CDH24: variants seen among roughly 807,000 people sequenced by gnomAD.
CDH24 encodes the protein cadherin 24.
A neutral mutation model predicts 71.2 loss-of-function variants in CDH24; 61 were observed. The ratio of observed to expected loss-of-function variants is 0.86; its 90% confidence interval spans 0.70 to 1.06. The LOEUF is 1.06. Among genes scored for constraint, CDH24 ranks in the 50% least tolerant of loss-of-function variants. The pLI is 0.00. For missense variants in CDH24, 961 were observed against 1,083.7 expected, an observed-to-expected ratio of 0.89 and a Z score of 1.59; for synonymous variants, 440 against 470.2, an observed-to-expected ratio of 0.94 and a Z score of 0.83.
chr14:23,053,350 C>T lies in CDH24; in HGVS notation c.1226+146G>A, dbSNP rs368899126. Reference sequence around the variant, plus strand: ...TCCGGCTCTCCCCTGGCACCCAGGCCTGCAGACCAGCAAGCCCAGCTGCAG... The same window carrying T: ...TCCGGCTCTCCCCTGGCACCCAGGCTTGCAGACCAGCAAGCCCAGCTGCAG... On this transcript the variant is annotated intron_variant, in intron 7 of 12. Transcript: ENST00000487137. The T allele has an allele frequency of 9.5e-4, 958 of 1,006,398 alleles. 21 individuals are homozygous for T. In the South Asian group the frequency reaches 0.016, roughly 16 times the overall value. 62.3% of individuals were successfully genotyped at this position (1,006,398 alleles called of 1,614,324 possible).
rs2047059308 is a variant in CDH24, at chr14:23,048,404, C to T, written c.1922G>A (p.Arg641Gln). The T allele has an allele frequency of 1.2e-6, 2 of 1,612,462 alleles. No homozygotes were observed. Among genetic ancestry groups the T allele is most frequent in the Non-Finnish European group, 1.7e-6 (2 of 1,179,622 alleles). The change falls in exon 12 of 13, where the codon CGA becomes CAA. Residue 641 changes from arginine to glutamine, a missense_variant. Around this residue, in one of 2 missense-constraint regions of CDH24, gnomAD observed 290 missense variants for 272.8 expected, o/e 1.06. Coordinates refer to ENST00000487137, the MANE Select transcript of CDH24 (RefSeq NM_144985.4). ...GTCGTCGTAGGTGATGATGTTCTCTCGGACGTCCTCCTCCTCCAGTACCAT... is the reference window on the plus strand; with the variant it reads ...GTCGTCGTAGGTGATGATGTTCTCTTGGACGTCCTCCTCCTCCAGTACCAT... Reference protein sequence around the residue: ...ALMVLEEEDVRENIITYDDEG... With the variant: ...ALMVLEEEDVQENIITYDDEG...
intron 11 of CDH24, 34 bp downstream of exon 11, chr14:23,048,993 T>C (rs1293600588): frequency 1.9e-6 from 3 of 1,592,184 alleles, no homozygotes; most frequent in Admixed American, 1.7e-5. Context: ...CAGGCCCAGA[T>C]CGCACAGCTA....
chr14:23,055,611 C>G lies in CDH24; in HGVS notation c.123G>C (p.Arg41=). 1 of 1,613,870 alleles carries G rather than the reference C, an allele frequency of 6.2e-7. No individual in the cohort carries two copies. The highest frequency in any genetic ancestry group is 1.1e-5 in the South Asian group (1 of 91,064). ...GGTTCCAGACCCAGCTCCTTCGAGT[C>G]CGCAGCAGAGCAGGCCCTGGGTGTT... ...SREHPGPALL[R]TRRSWVWNQF... Residue 41 remains arginine, a synonymous_variant, in exon 2 of 13, where the codon CGG becomes CGC. Coordinates refer to ENST00000487137, the MANE Select transcript of CDH24 (RefSeq NM_144985.4). This position sits in a 1 kb window ranked among gnomAD's most constrained non-coding sequence, Gnocchi z 4.1.
At position 23,049,858 on chromosome 14, in the gene CDH24, G is replaced by A. The variant is rs751185577; in HGVS notation, c.1449C>T (p.Tyr483=). 28 of 1,613,932 alleles carry A rather than the reference G, an allele frequency of 1.7e-5. No homozygotes were observed. The highest frequency in any genetic ancestry group is 1.6e-4 in the Middle Eastern group (1 of 6,084). ...CTGCAGAGTCACACACAAAAGTATCGTAGGGCTCAGCCAGCTGGGGAGCAT... is the reference window on the plus strand; with the variant it reads ...CTGCAGAGTCACACACAAAAGTATCATAGGGCTCAGCCAGCTGGGGAGCAT... ...NDNAPQLAEP[Y]DTFVCDSAAP... is the part of the protein sequence containing the mutation. Residue 483 remains tyrosine (Y), a synonymous_variant, in exon 9 of 13, where the codon TAC becomes TAT. Transcript: ENST00000487137.
Position 23,047,710 on chromosome 14 carries a change from GCAGGGC to G in CDH24, c.*264_*269del, listed in dbSNP as rs562826299. On this transcript the variant is annotated 3_prime_UTR_variant, in exon 12 of 13. Transcript: ENST00000487137. Reference sequence around the variant, plus strand: ...AGGAGAGGAATCACAGTGAGAGATCGCAGGGCCAGGGCCAGGGCAGGAAACCCAGGC... The same window carrying G: ...AGGAGAGGAATCACAGTGAGAGATCGCAGGGCCAGGGCAGGAAACCCAGGC... 3.6e-3 allele frequency: 1,111 copies of G among 311,936 alleles called. 13 individuals are homozygous for G. Among genetic ancestry groups the G allele is most frequent in the African/African-American group, 0.022 (1,028 of 45,918 alleles). The allele number at this position is 311,936 out of a possible 1,614,324, so 19.3% of individuals were successfully genotyped here.
chr14:23,056,822 TCTC>T (rs1036541040), intron 1 of CDH24, among the ~76,000 whole-genome samples: 1 of 150,308 alleles, frequency 6.7e-6, no homozygotes, highest in African/African-American at 2.4e-5. Context: ...TTCCCACTGC[TCTC>T]CTTTCTCCTA....
Position 23,052,541 on chromosome 14 carries a change from T to TCCA in CDH24, c.1294_1295insTGG (p.His432delinsLeuAsp). 6.2e-7 allele frequency: 1 copy of TCCA among 1,614,076 alleles called. No homozygotes were observed. The highest frequency in any genetic ancestry group is 8.5e-7 in the Non-Finnish European group (1 of 1,180,008). ...CTCGCGATCCAGGGGTGCTGCTGTATGGATGGTGCCTTCCTCGGGCTGGAT... is the reference window on the plus strand; with the variant it reads ...CTCGCGATCCAGGGGTGCTGCTGTATCCAGGATGGTGCCTTCCTCGGGCTGGAT... On this transcript the variant is annotated protein_altering_variant, in exon 8 of 13. Transcript: ENST00000487137.
At position 23,055,333 on chromosome 14, in the gene CDH24, C is replaced by CAGTTGCACT. The variant is rs1391009396; in HGVS notation, c.221_222insAGTGCAACT (p.Arg74_Gly75insValGlnLeu). ...ACAGGTACTTGGTGCGGCCCTCTCC[C>CAGTTGCACT]CGGTCAACATCCGAGTGCAGCTGCA... On this transcript the variant is annotated inframe_insertion, in exon 3 of 13. Coordinates refer to ENST00000487137, the MANE Select transcript of CDH24 (RefSeq NM_144985.4). The surrounding 1 kb of genome is among the most constrained non-coding windows in gnomAD (Gnocchi z 4.1). 1 of 1,607,356 alleles carries CAGTTGCACT rather than the reference C, an allele frequency of 6.2e-7. No homozygotes were observed. The highest frequency in any genetic ancestry group is 8.5e-7 in the Non-Finnish European group (1 of 1,174,378).
At position 23,051,874 on chromosome 14, in the gene CDH24, C is replaced by T; in HGVS notation, c.1363+599G>A. 1 of 673,696 alleles carries T rather than the reference C, an allele frequency of 1.5e-6. No individual in the cohort carries two copies. Among genetic ancestry groups the T allele is most frequent in the Non-Finnish European group, 2.5e-6 (1 of 396,618 alleles). The allele number at this position is 673,696 out of a possible 1,614,324, so 41.7% of individuals were successfully genotyped here. On this transcript the variant is annotated intron_variant, in intron 8 of 12. Coordinates refer to ENST00000487137, the MANE Select transcript of CDH24 (RefSeq NM_144985.4). This position sits in a 1 kb window ranked among gnomAD's most constrained non-coding sequence, Gnocchi z 4.4. ...CCCTGTCTGTATGGGCTAGGGCTGC[C>T]CAGAGGCAGCTGAACCCGCTGCTGG...
chr14:23,049,143 C>A lies in CDH24; in HGVS notation c.1730G>T (p.Cys577Phe). ...CACAGAGCCGTCAGGCTGGCAGCGG[C>A]ACACACTAACAGTCACTGTGGCAGT... ...SSTATVTVSV[C>F]RCQPDGSVAS... Residue 577 changes from cysteine (C) to phenylalanine (F), a missense_variant, in exon 11 of 13, where the codon TGC becomes TTC. Cys to Phe is a radical substitution (Grantham distance 205). Around this residue, in one of 2 missense-constraint regions of CDH24, gnomAD observed 671 missense variants for 810.9 expected, o/e 0.83. Coordinates refer to ENST00000487137, the MANE Select transcript of CDH24 (RefSeq NM_144985.4). 1 of 1,597,770 alleles carries A rather than the reference C, an allele frequency of 6.3e-7. No homozygotes were observed. The highest frequency in any genetic ancestry group is 2.3e-5 in the East Asian group (1 of 43,922).
In CDH24 at chr14:23,054,936, G is replaced by A. The variant is rs2047115461; in HGVS notation, c.497-70C>T. On this transcript the variant is annotated intron_variant, in intron 3 of 12. Coordinates refer to ENST00000487137, the MANE Select transcript of CDH24 (RefSeq NM_144985.4). This position sits in a 1 kb window ranked among gnomAD's most constrained non-coding sequence, Gnocchi z 5.2. Reference sequence around the variant, plus strand: ...TGGGGAAGAACAACCGATGGGGGGGGATGCAGATACGAGGGAGGCTGAATT... The same window carrying A: ...TGGGGAAGAACAACCGATGGGGGGGAATGCAGATACGAGGGAGGCTGAATT... The A allele has an allele frequency of 1.9e-6, 3 of 1,603,086 alleles. No individual in the cohort carries two copies. In the East Asian group the frequency reaches 6.7e-5, roughly 36 times the overall value.
At position 23,055,857 on chromosome 14, in the gene CDH24, C is replaced by T. The variant is rs2047125858; in HGVS notation, c.-124G>A. 1 of 772,076 alleles carries T rather than the reference C, an allele frequency of 1.3e-6. No individual in the cohort carries two copies. Among genetic ancestry groups the T allele is most frequent in the Non-Finnish European group, 2.0e-6 (1 of 492,542 alleles). The allele number at this position is 772,076 out of a possible 1,614,324, so 47.8% of individuals were successfully genotyped here. On this transcript the variant is annotated splice_region_variant and 5_prime_UTR_variant, in exon 2 of 13. It adds an upstream start codon to the 5' untranslated region. Coordinates refer to ENST00000487137, the MANE Select transcript of CDH24 (RefSeq NM_144985.4). This position sits in a 1 kb window ranked among gnomAD's most constrained non-coding sequence, Gnocchi z 4.1. The stretch of plus-strand genomic sequence containing the variant: ...GTTGAGGCTACCCCATGGATCCACA[C>T]CTGCAGGACAAGCAGCTGCTCAGGC...
At position 23,048,109 on chromosome 14, in the gene CDH24, G is replaced by A. The variant is rs1296021036; in HGVS notation, c.2217C>T (p.Ser739=). The A allele has an allele frequency of 5.7e-6, 8 of 1,408,884 alleles. No individual in the cohort carries two copies. The highest frequency in any genetic ancestry group is 7.4e-6 in the Non-Finnish European group (8 of 1,087,344). 87.3% of individuals were successfully genotyped at this position (1,408,884 alleles called of 1,614,324 possible). A position where few individuals can be genotyped will look rare whatever the true frequency, so the allele number is the denominator to read the frequency against. ...CGCTGCCGGAGCCCAGGGAGCTGAGGGAGCCGCAAGAGGAGCCGCGGCCCT... is the reference window on the plus strand; with the variant it reads ...CGCTGCCGGAGCCCAGGGAGCTGAGAGAGCCGCAAGAGGAGCCGCGGCCCT... ...GYEGRGSSCG[S]LSSLGSGSEA... The change falls in exon 12 of 13, where the codon TCC becomes TCT. Residue 739 remains serine, a synonymous_variant. Coordinates refer to ENST00000487137, the MANE Select transcript of CDH24 (RefSeq NM_144985.4).
In CDH24 at chr14:23,055,374, T is replaced by C; in HGVS notation, c.202-21A>G. On this transcript the variant is annotated intron_variant, in intron 2 of 12. Transcript: ENST00000487137. This position sits in a 1 kb window ranked among gnomAD's most constrained non-coding sequence, Gnocchi z 4.1. ...TGCAGCTGCAGGGGTCACGAAAAGA[T>C]GGCAGAGGGCTCCAAGTACAGAGAC... 2 of 1,599,720 alleles carry C rather than the reference T, an allele frequency of 1.3e-6. No homozygotes were observed. Among genetic ancestry groups the C allele is most frequent in the African/African-American group, 1.3e-5 (1 of 74,674 alleles).
chr14:23,049,503 C>T, intron 10 of CDH24, 124 bp downstream of exon 10: 1 of 708,142 alleles, frequency 1.4e-6, no homozygotes. Context: ...AAGTCCACAC[C>T]CATCTTCTGT....
chr14:23,049,219 A>G lies in CDH24; in HGVS notation c.1654T>C (p.Tyr552His). 4 of 1,575,038 alleles carry G rather than the reference A, an allele frequency of 2.5e-6. No individual in the cohort carries two copies. Among genetic ancestry groups the G allele is most frequent in the Non-Finnish European group, 3.4e-6 (4 of 1,159,522 alleles). Residue 552 changes from tyrosine to histidine, a missense_variant, in exon 11 of 13, where the codon TAC becomes CAC. Physicochemically the swap from Tyr to His is moderately conservative, Grantham distance 83. This residue lies in a region of CDH24 where 671 missense variants were observed against 810.9 expected (regional missense o/e 0.83). Transcript: ENST00000487137. ...TCCCACAGTTCTATGGGAACCAAGT[A>G]GGGGGCATGGCGGGGTGGAGCAGGG... ...SRPAPPRHAP[Y>H]LVPIELWDWG...
In CDH24 at chr14:23,054,840, G is replaced by T; in HGVS notation, c.523C>A (p.His175Asn). The change falls in exon 4 of 13, where the codon CAC becomes AAC. Residue 175 changes from histidine (H) to asparagine (N), a missense_variant. This residue lies in a region of CDH24 where 671 missense variants were observed against 810.9 expected (regional missense o/e 0.83). Transcript: ENST00000487137. This position sits in a 1 kb window ranked among gnomAD's most constrained non-coding sequence, Gnocchi z 5.2. ...CCATAGCTGGGGTCATCAGCATCGT[G>T]AGCAGTCACCTGGATCACTGATGTC... Reference protein sequence around the residue: ...VGTSVIQVTAHDADDPSYGNS... With the variant: ...VGTSVIQVTANDADDPSYGNS... 1 of 1,613,574 alleles carries T rather than the reference G, an allele frequency of 6.2e-7. No homozygotes were observed.
rs1745061929 is a variant in CDH24, at chr14:23,051,393, TGTG to T, written c.1363+1077_1363+1079del. 6.6e-6 allele frequency among the ~76,000 whole-genome samples: 1 copy of T among 152,196 alleles called. No homozygotes were observed. Among genetic ancestry groups the T allele is most frequent in the Admixed American group, 6.5e-5 (1 of 15,274 alleles). ...AATAATCATACTTCCCTCATAAAGT[TGTG>T]GTGATGATTAAATGAATGAATCCAT... On this transcript the variant is annotated intron_variant, in intron 8 of 12. Coordinates refer to ENST00000487137, the MANE Select transcript of CDH24 (RefSeq NM_144985.4). The surrounding 1 kb of genome is among the most constrained non-coding windows in gnomAD (Gnocchi z 4.4).
At position 23,054,031 on chromosome 14, in the gene CDH24, A is replaced by G; in HGVS notation, c.972+110T>C. The G allele has an allele frequency of 8.3e-7, 1 of 1,202,488 alleles. No homozygotes were observed. The highest frequency in any genetic ancestry group is 1.5e-5 in the African/African-American group (1 of 65,918). The allele number at this position is 1,202,488 out of a possible 1,614,324, so 74.5% of individuals were successfully genotyped here. On this transcript the variant is annotated intron_variant, in intron 6 of 12. Transcript: ENST00000487137. This position sits in a 1 kb window ranked among gnomAD's most constrained non-coding sequence, Gnocchi z 5.2. ...GATGAGGAGGTGACCATGATCTCTAAGCTCCAACAGAGAGATCCTGAGTCT... is the reference window on the plus strand; with the variant it reads ...GATGAGGAGGTGACCATGATCTCTAGGCTCCAACAGAGAGATCCTGAGTCT...
Sources: gnomAD v4.1 joint callset for allele counts (sites outside exome capture counted in the v4.1 genomes callset) on GRCh38, gnomAD v4.1.1 for gene constraint, gnomAD v4.1.1 regional missense constraint, Gnocchi (gnomAD v3.1) non-coding constraint, MANE v1.5 for transcripts, NCBI Gene and HGNC (gene_info 2026-07-23, HGNC 2026-07-21) for gene names.